CDK5RAP2: variants seen among roughly 807,000 people sequenced by gnomAD.
CDK5RAP2 encodes the protein CDK5 regulatory subunit-associated protein 2.
In CDK5RAP2, 147 loss-of-function variants were observed where a neutral mutation model predicts 232.9. The ratio of observed to expected loss-of-function variants is 0.63; its 90% CI spans 0.55 to 0.72. The LOEUF (loss-of-function observed/expected upper bound fraction) is 0.72. CDK5RAP2 is among the 30% of genes least tolerant of loss of function. The pLI, the probability that CDK5RAP2 is intolerant of heterozygous loss-of-function variation, is 0.00. For synonymous variants in CDK5RAP2, 833 were observed against 833.7 expected (o/e 1.00, Z 0.01); for missense variants, 2,195 against 2,231.5 (o/e 0.98, Z 0.33).
intron 10 of CDK5RAP2, among the ~76,000 whole-genome samples, chr9:120,525,992 C>T (rs936060069): frequency 6.6e-6 from 1 of 152,198 alleles, no homozygotes; most frequent in Non-Finnish European, 1.5e-5. Flanking sequence ...AGCAACACCC[C>T]CAGTTTCCTC....
At chr9:120,538,709 T>C (rs1239570676) in intron 6 of CDK5RAP2, among the ~76,000 whole-genome samples, 1 of 152,120 alleles carries the variant, frequency 6.6e-6, no homozygotes, top group Non-Finnish European at 1.5e-5. Flanking sequence ...AGTGGTGCTG[T>C]AGGAAGAGCA....
At chr9:120,570,515 C>A (rs1003771717) in intron 2 of CDK5RAP2, among the ~76,000 whole-genome samples, 2 of 152,144 alleles carry the variant, frequency 1.3e-5, no homozygotes, top group Admixed American at 1.3e-4. Flanking sequence ...CAGAGTCTGG[C>A]ATGAAGCAAA....
intron 17 of CDK5RAP2, 110 bp from the exon 18 acceptor site, chr9:120,468,107 G>C: frequency 9.6e-7 from 1 of 1,046,842 alleles, no homozygotes; most frequent in Non-Finnish European, 1.5e-6. Context: ...CCACAGTTAC[G>C]GGGAATCAGG....
At position 120,472,316 on chromosome 9, in the gene CDK5RAP2, A is replaced by G. The variant is rs145136036; in HGVS notation, c.1728-438T>C. Among the ~76,000 whole-genome samples, 10 of 152,346 alleles carry G rather than the reference A, an allele frequency of 6.6e-5. No homozygotes were observed. In the South Asian group the frequency reaches 8.3e-4, roughly 13 times the overall value. On this transcript the variant is annotated intron_variant, in intron 15 of 37. Transcript: ENST00000349780. ...CTTGGGTCATTTCCAAATTTTTGCT[A>G]TAGGCGTTAACTAGGTGAAAATAAC...
chr9:120,568,222 C>G, intron 3 of CDK5RAP2, 99 bp downstream of exon 3: 1 of 939,852 alleles, frequency 1.1e-6, no homozygotes. Context: ...TCTGGCATCA[C>G]CGAACTTAGA....
At chr9:120,490,200 G>A (rs2038828091) in intron 13 of CDK5RAP2, among the ~76,000 whole-genome samples, 2 of 152,186 alleles carry the variant, frequency 1.3e-5, no homozygotes, top group African/African-American at 4.8e-5. Context: ...CTGAGAGTGT[G>A]GAAAGGACCT....
At chr9:120,418,719 G>A (rs984793435) in intron 27 of CDK5RAP2, among the ~76,000 whole-genome samples, 2 of 152,292 alleles carry the variant, frequency 1.3e-5, no homozygotes, top group East Asian at 1.9e-4. Context: ...GCTAGATAAC[G>A]CTGCTGGAGG....
At chr9:120,421,656 G>T (rs1227175411) in intron 26 of CDK5RAP2, among the ~76,000 whole-genome samples, 1 of 152,100 alleles carries the variant, frequency 6.6e-6, no homozygotes, top group Non-Finnish European at 1.5e-5. Flanking sequence ...AATAAAGGAG[G>T]GCAAGACCTT....
At chr9:120,497,535 A>G (rs1360295275) in intron 12 of CDK5RAP2, among the ~76,000 whole-genome samples, 1 of 151,176 alleles carries the variant, frequency 6.6e-6, no homozygotes, top group African/African-American at 2.4e-5. Context: ...TCTCCCCACA[A>G]AATTAATTAT....
intron 25 of CDK5RAP2, among the ~76,000 whole-genome samples, chr9:120,432,398 T>G (rs1439086891): frequency 2.6e-5 from 4 of 152,242 alleles, no homozygotes; most frequent in Non-Finnish European, 4.4e-5. Context: ...TATCTTTTAT[T>G]CCACAGTAAA....
intron 25 of CDK5RAP2, among the ~76,000 whole-genome samples, chr9:120,434,944 A>T (rs1291322317): frequency 6.6e-6 from 1 of 152,238 alleles, no homozygotes; most frequent in Non-Finnish European, 1.5e-5. Context: ...AGGGAAAAGG[A>T]GAAAAATAAT....
chr9:120,519,925 A>T (rs1457074107), intron 11 of CDK5RAP2, among the ~76,000 whole-genome samples: 1 of 152,204 alleles, frequency 6.6e-6, no homozygotes, highest in Non-Finnish European at 1.5e-5. Context: ...TGGAGAAAAA[A>T]AAAAAAGGTG....
chr9:120,536,588 G>A (rs573988796), intron 6 of CDK5RAP2, 62 bp from the exon 7 acceptor site: 5 of 1,452,306 alleles, frequency 3.4e-6, no homozygotes, highest in Non-Finnish European at 4.8e-6. Flanking sequence ...ATTTTGAAAG[G>A]AAATTGGATT....
intron 3 of CDK5RAP2, among the ~76,000 whole-genome samples, chr9:120,560,753 A>G (rs764396536): frequency 6.6e-6 from 1 of 152,046 alleles, no homozygotes; most frequent in Non-Finnish European, 1.5e-5. Context: ...AGTAGCTGGG[A>G]TTACAGGCAC....
intron 28 of CDK5RAP2, 65 bp from the exon 29 acceptor site, chr9:120,411,539 T>C (rs1050245625): frequency 1.1e-6 from 1 of 880,728 alleles, no homozygotes; most frequent in Admixed American, 1.7e-5. Flanking sequence ...CAGAACTTTC[T>C]AGAAAGCAGT....
At chr9:120,492,275 A>G (rs2038948313) in intron 12 of CDK5RAP2, among the ~76,000 whole-genome samples, 1 of 152,220 alleles carries the variant, frequency 6.6e-6, no homozygotes, top group Admixed American at 6.5e-5. Flanking sequence ...AAAAGGAATG[A>G]GGACTCTTTC....
chr9:120,470,878 A>G (rs894754118), intron 16 of CDK5RAP2, among the ~76,000 whole-genome samples: 3 of 152,172 alleles, frequency 2.0e-5, no homozygotes, highest in Non-Finnish European at 2.9e-5. Context: ...CATTTAACAC[A>G]CACGTGTAAG....
intron 5 of CDK5RAP2, among the ~76,000 whole-genome samples, chr9:120,543,978 C>T (rs2041741347): frequency 6.6e-6 from 1 of 152,218 alleles, no homozygotes; most frequent in South Asian, 2.1e-4. Context: ...ATCACCATCA[C>T]TCCCACTAGA....
intron 25 of CDK5RAP2, among the ~76,000 whole-genome samples, chr9:120,435,550 C>T (rs182234315): frequency 7.9e-4 from 120 of 152,194 alleles, no homozygotes; most frequent in Non-Finnish European, 1.5e-3. Context: ...GCAATGAACA[C>T]ACCTAGCACC....
Sources: gnomAD v4.1 joint callset for allele counts (sites outside exome capture counted in the v4.1 genomes callset) on GRCh38, gnomAD v4.1.1 for gene constraint, MANE v1.5 for transcripts, NCBI Gene and HGNC (gene_info 2026-07-23, HGNC 2026-07-21) for gene names.